The following GMDS variants were observed in gnomAD, a reference collection of about 807,000 sequenced individuals.
GMDS encodes the protein GDP-mannose 4,6 dehydratase.
A neutral mutation model predicts 49.9 loss-of-function variants in GMDS; 20 were observed. That is an observed-to-expected ratio of 0.40 (90% CI 0.28 to 0.58). GMDS has a LOEUF of 0.58. Among genes scored for constraint, GMDS ranks in the 20% least tolerant of loss-of-function variants. The pLI, the probability that GMDS is intolerant of heterozygous loss-of-function variation, is 0.42. For synonymous variants in GMDS, 177 were observed against 178.6 expected, an observed-to-expected ratio of 0.99 and a Z score of 0.07; for missense variants, 362 against 481.4, an observed-to-expected ratio of 0.75 and a Z score of 2.32.
At chr6:2,158,768 T>G (rs1777232730) in intron 1 of GMDS, among the ~76,000 whole-genome samples, 1 of 152,356 alleles carries the variant, frequency 6.6e-6, no homozygotes, top group Non-Finnish European at 1.5e-5. Context: ...CTCAAAGCAG[T>G]GGCAACATGG....
intron 9 of GMDS, among the ~76,000 whole-genome samples, chr6:1,695,378 C>G (rs1468843611): frequency 6.6e-6 from 1 of 152,170 alleles, no homozygotes; most frequent in Admixed American, 6.5e-5. Context: ...CATCAGTAAT[C>G]CCCTCTACAA....
intron 6 of GMDS, among the ~76,000 whole-genome samples, chr6:1,958,907 A>G (rs562621065): frequency 1.4e-4 from 21 of 152,362 alleles, no homozygotes; most frequent in African/African-American, 5.0e-4. Flanking sequence ...CTCATGCTTC[A>G]GTAAATCAGA....
At chr6:2,178,070 G>C (rs1490742861) in intron 1 of GMDS, among the ~76,000 whole-genome samples, 1 of 152,172 alleles carries the variant, frequency 6.6e-6, no homozygotes, top group Non-Finnish European at 1.5e-5. Context: ...TCACATATAA[G>C]TGGGAGATAA....
Position 2,065,748 on chromosome 6 carries a change from C to A in GMDS, c.345+50023G>T, listed in dbSNP as rs988624994. 2.0e-5 allele frequency among the ~76,000 whole-genome samples: 3 copies of A among 152,092 alleles called. No homozygotes were observed. The East Asian group carries it at 5.8e-4, about 29-fold the overall frequency. On this transcript the variant is annotated intron_variant, in intron 4 of 10. Coordinates refer to ENST00000380815, the MANE Select transcript of GMDS (RefSeq NM_001500.4). The stretch of plus-strand genomic sequence containing the variant: ...AAAGAATAAAAAGAAACGAGCAAAG[C>A]CTCCAAGAAATATGGGACTATGTGA...
chr6:1,916,110 A>C (rs1214533599), intron 7 of GMDS, among the ~76,000 whole-genome samples: 1 of 152,206 alleles, frequency 6.6e-6, no homozygotes, highest in African/African-American at 2.4e-5. Flanking sequence ...AGCATTTTTC[A>C]ATATACAATC....
chr6:1,919,377 T>G (rs1253049750), intron 7 of GMDS, among the ~76,000 whole-genome samples: 1 of 152,226 alleles, frequency 6.6e-6, no homozygotes, highest in Non-Finnish European at 1.5e-5. Flanking sequence ...TATGGAGTAA[T>G]TTCATCCCTT....
intron 9 of GMDS, among the ~76,000 whole-genome samples, chr6:1,686,360 T>A (rs1388325150): frequency 6.6e-6 from 1 of 152,204 alleles, no homozygotes; most frequent in Non-Finnish European, 1.5e-5. Context: ...AGCAAGTGCA[T>A]GGCTACATAA....
intron 4 of GMDS, among the ~76,000 whole-genome samples, chr6:2,080,233 G>T (rs1301811018): frequency 6.6e-6 from 1 of 151,998 alleles, no homozygotes; most frequent in African/African-American, 2.4e-5. Context: ...TGATTTCTAT[G>T]TATTATTTTT....
intron 8 of GMDS, among the ~76,000 whole-genome samples, chr6:1,738,033 A>ACAC (rs386696093): frequency 1.8e-3 from 3 of 1,686 alleles, no homozygotes; most frequent in African/African-American, 6.7e-3. Context: ...TACACACACC[A>ACAC]CACACACACA....
intron 1 of GMDS, among the ~76,000 whole-genome samples, chr6:2,242,235 G>A (rs1278133950): frequency 1.3e-5 from 2 of 152,194 alleles, no homozygotes; most frequent in African/African-American, 4.8e-5. Flanking sequence ...CAAGGCAACA[G>A]TATTCAAAAA....
At chr6:1,655,547 G>A (rs1158368333) in intron 9 of GMDS, among the ~76,000 whole-genome samples, 2 of 141,430 alleles carry the variant, frequency 1.4e-5, no homozygotes, top group Non-Finnish European at 3.0e-5. Flanking sequence ...ACGGAGTCTC[G>A]CTCTGTTGCC....
At chr6:2,026,340 T>G (rs376744179) in intron 4 of GMDS, among the ~76,000 whole-genome samples, 1 of 152,220 alleles carries the variant, frequency 6.6e-6, no homozygotes, top group East Asian at 1.9e-4. Context: ...CCATTTGTTC[T>G]GCTTTCCCAG....
intron 7 of GMDS, among the ~76,000 whole-genome samples, chr6:1,811,406 A>C (rs981492636): frequency 3.3e-5 from 5 of 152,200 alleles, no homozygotes; most frequent in Non-Finnish European, 5.9e-5. Context: ...ATTCTCCAGT[A>C]TTTTTCACAG....
At chr6:2,209,554 T>TAC (rs1374079206) in intron 1 of GMDS, among the ~76,000 whole-genome samples, 1 of 124,604 alleles carries the variant, frequency 8.0e-6, no homozygotes, top group South Asian at 2.9e-4. Context: ...CTAATACACA[T>TAC]ACATACACAT....
intron 7 of GMDS, among the ~76,000 whole-genome samples, chr6:1,755,557 G>A (rs570976880): frequency 4.6e-5 from 7 of 152,048 alleles, no homozygotes; most frequent in South Asian, 4.2e-4. Context: ...AAAAATGCCC[G>A]TATAGCCAAG....
chr6:2,206,169 A>G (rs965631320), intron 1 of GMDS, among the ~76,000 whole-genome samples: 2 of 152,092 alleles, frequency 1.3e-5, no homozygotes, highest in Non-Finnish European at 2.9e-5. Flanking sequence ...GAGGCAGGAG[A>G]ATCGCTTGAA....
At chr6:1,858,871 A>T (rs1230084991) in intron 7 of GMDS, among the ~76,000 whole-genome samples, 2 of 152,232 alleles carry the variant, frequency 1.3e-5, no homozygotes, top group Non-Finnish European at 2.9e-5. Flanking sequence ...ATTCAACTTT[A>T]AAAAATGAAT....
chr6:2,237,383 A>T (rs1291575899), intron 1 of GMDS, among the ~76,000 whole-genome samples: 2 of 152,134 alleles, frequency 1.3e-5, no homozygotes, highest in South Asian at 4.1e-4. Flanking sequence ...TTACTCACTC[A>T]TTTCCTATGT....
At chr6:1,663,947 C>T (rs1581429202) in intron 9 of GMDS, among the ~76,000 whole-genome samples, 1 of 152,134 alleles carries the variant, frequency 6.6e-6, no homozygotes, top group African/African-American at 2.4e-5. Flanking sequence ...GAATAAGTCA[C>T]CTACTGGCTT....
Sources: gnomAD v4.1 joint callset for allele counts (sites outside exome capture counted in the v4.1 genomes callset) on GRCh38, gnomAD v4.1.1 for gene constraint, MANE v1.5 for transcripts, NCBI Gene and HGNC (gene_info 2026-07-23, HGNC 2026-07-21) for gene names.